The following PTPRD variants were observed in gnomAD, a reference collection of about 807,000 sequenced individuals.
PTPRD encodes protein tyrosine phosphatase receptor type D.
In PTPRD, 34 loss-of-function variants were observed where a neutral mutation model predicts 214.5. That is an observed-to-expected ratio of 0.16 (90% CI 0.12 to 0.21). The LOEUF is 0.21. Ranked by LOEUF, PTPRD falls within the 10% of genes least tolerant of loss-of-function variation. The pLI is 1.00. For synonymous variants in PTPRD, 1,128 were observed against 845.7 expected (o/e 1.33, Z -5.79); for missense variants, 2,545 against 2,398.7 (o/e 1.06, Z -1.27).
chr9:10,034,407 C>CTTTTT (rs56827836), intron 3 of PTPRD, among the ~76,000 whole-genome samples: 4 of 89,524 alleles, frequency 4.5e-5, no homozygotes, highest in Admixed American at 2.6e-4. Context: ...CCTGGCTCTA[C>CTTTTT]TTTTTTTTTT....
intron 12 of PTPRD, among the ~76,000 whole-genome samples, chr9:8,637,162 T>C (rs933910717): frequency 6.0e-4 from 91 of 152,330 alleles, no homozygotes; most frequent in African/African-American, 2.0e-3. Flanking sequence ...AAATCCAATT[T>C]GTCCTCTAAC....
chr9:9,858,403 A>G (rs2061984587), intron 5 of PTPRD, among the ~76,000 whole-genome samples: 1 of 152,200 alleles, frequency 6.6e-6, no homozygotes, highest in Non-Finnish European at 1.5e-5. Context: ...TCTGCTCTCA[A>G]ATTTGGTGCA....
intron 7 of PTPRD, among the ~76,000 whole-genome samples, chr9:9,684,545 T>A (rs1478114541): frequency 2.0e-5 from 3 of 151,726 alleles, no homozygotes; most frequent in African/African-American, 7.2e-5. Flanking sequence ...AGCTGGTAAT[T>A]GAGTAATAAT....
chr9:9,823,965 A>C (rs377531118), intron 5 of PTPRD, among the ~76,000 whole-genome samples: 9 of 152,186 alleles, frequency 5.9e-5, no homozygotes, highest in African/African-American at 1.9e-4. Context: ...TTGTATCAAA[A>C]TATCACATGT....
chr9:9,811,748 C>A (rs959030489), intron 5 of PTPRD, among the ~76,000 whole-genome samples: 1 of 152,050 alleles, frequency 6.6e-6, no homozygotes, highest in African/African-American at 2.4e-5. Context: ...GGAACCTACT[C>A]CTGATGAAGA....
At chr9:10,529,667 T>C (rs978495228) in intron 2 of PTPRD, among the ~76,000 whole-genome samples, 1 of 151,058 alleles carries the variant, frequency 6.6e-6, no homozygotes, top group African/African-American at 2.4e-5. Flanking sequence ...TATATACGTA[T>C]GTAACAAAAC....
intron 12 of PTPRD, among the ~76,000 whole-genome samples, chr9:8,686,381 T>C (rs535452788): frequency 6.6e-6 from 1 of 152,312 alleles, no homozygotes; most frequent in African/African-American, 2.4e-5. Flanking sequence ...CATTTGTGAA[T>C]GTAGGCACAG....
intron 10 of PTPRD, among the ~76,000 whole-genome samples, chr9:9,118,132 C>G (rs1458944748): frequency 2.6e-5 from 4 of 152,130 alleles, no homozygotes; most frequent in African/African-American, 9.7e-5. Flanking sequence ...ATTGCATTAC[C>G]TAAACAATTG....
At chr9:9,027,374 A>G (rs973342081) in intron 10 of PTPRD, among the ~76,000 whole-genome samples, 6 of 151,958 alleles carry the variant, frequency 3.9e-5, no homozygotes, top group Non-Finnish European at 7.4e-5. Context: ...GCACATGTAC[A>G]CTATACAAAC....
chr9:10,104,898 C>T (rs1174940142), intron 3 of PTPRD, among the ~76,000 whole-genome samples: 1 of 151,806 alleles, frequency 6.6e-6, no homozygotes, highest in Non-Finnish European at 1.5e-5. Context: ...CTACATATTC[C>T]AGCTACTCTC....
chr9:8,516,960 T>C (rs1230450401), intron 21 of PTPRD, among the ~76,000 whole-genome samples: 1 of 151,916 alleles, frequency 6.6e-6, no homozygotes, highest in African/African-American at 2.4e-5. Flanking sequence ...TACAGGTGCC[T>C]GCTACCATGC....
intron 5 of PTPRD, among the ~76,000 whole-genome samples, chr9:9,936,291 A>G (rs1274271854): frequency 2.0e-5 from 3 of 151,564 alleles, no homozygotes; most frequent in South Asian, 2.1e-4. Context: ...GTGAACAGGC[A>G]ACCTAAAAAA....
intron 39 of PTPRD, among the ~76,000 whole-genome samples, chr9:8,346,124 C>T (rs1857381331): frequency 6.6e-6 from 1 of 152,046 alleles, no homozygotes; most frequent in African/African-American, 2.4e-5. Flanking sequence ...CCTTGACACT[C>T]AGGTTTAAAA....
intron 5 of PTPRD, among the ~76,000 whole-genome samples, chr9:9,818,557 G>A (rs973004069): frequency 6.6e-6 from 1 of 152,064 alleles, no homozygotes; most frequent in East Asian, 1.9e-4. Flanking sequence ...AGAGGCAGAC[G>A]ATTTAGGAAA....
chr9:8,711,945 G>C (rs1278515515), intron 12 of PTPRD, among the ~76,000 whole-genome samples: 1 of 152,194 alleles, frequency 6.6e-6, no homozygotes, highest in South Asian at 2.1e-4. Context: ...AAAGAAGCCA[G>C]ACCCAAAAGG....
chr9:10,245,613 T>C (rs1299546534), intron 3 of PTPRD, among the ~76,000 whole-genome samples: 1 of 152,176 alleles, frequency 6.6e-6, no homozygotes, highest in Non-Finnish European at 1.5e-5. Flanking sequence ...TTCTTGTGTG[T>C]TGTTAATACA....
intron 12 of PTPRD, among the ~76,000 whole-genome samples, chr9:8,690,409 C>A (rs1308271941): frequency 4.0e-5 from 6 of 151,694 alleles, no homozygotes; most frequent in African/African-American, 1.5e-4. Flanking sequence ...TGCCTGTAGT[C>A]CCAGCTACTT....
chr9:9,428,176 T>G (rs1199939067), intron 8 of PTPRD, among the ~76,000 whole-genome samples: 1 of 152,032 alleles, frequency 6.6e-6, no homozygotes, highest in South Asian at 2.1e-4. Flanking sequence ...CCATCTCACG[T>G]GCAGAGACAC....
At chr9:8,454,487 G>A in intron 33 of PTPRD, 1 of 1,352,164 alleles carries the variant, frequency 7.4e-7, no homozygotes, top group Non-Finnish European at 1.0e-6. Context: ...TCTTTTGTGT[G>A]CAGCCCCGCC....
Sources: gnomAD v4.1 joint callset for allele counts (sites outside exome capture counted in the v4.1 genomes callset) on GRCh38, gnomAD v4.1.1 for gene constraint, MANE v1.5 for transcripts, NCBI Gene and HGNC (gene_info 2026-07-23, HGNC 2026-07-21) for gene names.